Variants in PSD3 observed in about 807,000 individuals in gnomAD.
PSD3 encodes PH and SEC7 domain-containing protein 3.
PSD3 carries 49 observed loss-of-function variants against 105.5 expected under a neutral mutation model. The observed-to-expected ratio is 0.46, with a 90% CI of 0.37 to 0.59. The LOEUF is 0.59. PSD3 is among the 20% of genes least tolerant of loss of function. The pLI, the probability that PSD3 is intolerant of heterozygous loss-of-function variation, is 0.00. For missense variants in PSD3, 1,561 were observed against 1,263.8 expected (o/e 1.24, Z -3.57); for synonymous variants, 557 against 457.8 (o/e 1.22, Z -2.77).
chr8:18,756,194 C>G (rs570057329), intron 9 of PSD3, among the ~76,000 whole-genome samples: 1 of 152,134 alleles, frequency 6.6e-6, no homozygotes, highest in African/African-American at 2.4e-5. Context: ...CTCACCTACT[C>G]TAGGCAACAG....
intron 1 of PSD3, among the ~76,000 whole-genome samples, chr8:19,029,537 G>A (rs1458563209): frequency 6.6e-6 from 1 of 152,122 alleles, no homozygotes; most frequent in African/African-American, 2.4e-5. Context: ...TATGATGACA[G>A]CAAGGAGAAG....
rs1268844960 is a variant in PSD3, at chr8:18,794,299, C to G, written c.2082+4996G>C. 3.4e-3 allele frequency among the ~76,000 whole-genome samples: 17 copies of G among 4,956 alleles called. 1 individual carries two copies. Among genetic ancestry groups the G allele is most frequent in the African/African-American group, 7.9e-3 (13 of 1,652 alleles). 3.3% of individuals were successfully genotyped at this position (4,956 alleles called of 152,430 possible). A position where few individuals can be genotyped will look rare whatever the true frequency, so the allele number is the denominator to read the frequency against. On this transcript the variant is annotated intron_variant, in intron 8 of 15. Transcript: ENST00000327040. The stretch of plus-strand genomic sequence containing the variant: ...CCAGGTATTGTCCAAGGTTTCTCCC[C>G]ATGTGATAGTCTGAAATATGGCCTC...
At chr8:18,569,316 C>T (rs1295990294) in intron 14 of PSD3, among the ~76,000 whole-genome samples, 1 of 134,336 alleles carries the variant, frequency 7.4e-6, no homozygotes, top group African/African-American at 2.8e-5. Context: ...AGTTTACAGT[C>T]CCACCAACAG....
At chr8:18,604,285 T>C (rs1750498986) in intron 11 of PSD3, among the ~76,000 whole-genome samples, 1 of 152,188 alleles carries the variant, frequency 6.6e-6, no homozygotes, top group South Asian at 2.1e-4. Context: ...TCACTTTTGT[T>C]ATGCCTTACC....
chr8:19,051,337 C>A (rs548967880), intron 1 of PSD3, among the ~76,000 whole-genome samples: 1 of 152,306 alleles, frequency 6.6e-6, no homozygotes. Context: ...ACTACACTCT[C>A]TGTTACATAC....
At chr8:18,662,095 T>C (rs1331865617) in intron 9 of PSD3, among the ~76,000 whole-genome samples, 1 of 152,248 alleles carries the variant, frequency 6.6e-6, no homozygotes, top group East Asian at 1.9e-4. Context: ...TGTTGTGATG[T>C]ACTTCCAAAC....
intron 4 of PSD3, among the ~76,000 whole-genome samples, chr8:18,820,301 AAATT>A (rs1308905063): frequency 6.6e-6 from 1 of 151,834 alleles, no homozygotes; most frequent in Admixed American, 6.6e-5. Flanking sequence ...AAAATATAAT[AAATT>A]AAGATACTGA....
At chr8:18,626,485 G>T (rs1445060122) in intron 11 of PSD3, among the ~76,000 whole-genome samples, 1 of 152,044 alleles carries the variant, frequency 6.6e-6, no homozygotes, top group Non-Finnish European at 1.5e-5. Flanking sequence ...TAGAAAATAA[G>T]TATCTACTTT....
rs796640537 is a variant in PSD3, at chr8:18,619,325, G to C, written c.2410+13288C>G. On this transcript the variant is annotated intron_variant, in intron 11 of 15. Coordinates refer to ENST00000327040, the MANE Select transcript of PSD3 (RefSeq NM_015310.4). ...AGACTGATCAAAACAGACTCTGTGT[G>C]GCAATAAGATACCAGATTATAAACA... Among the ~76,000 whole-genome samples the C allele has an allele frequency of 3.3e-5, 5 of 152,216 alleles. 1 individual carries two copies. Among genetic ancestry groups the C allele is most frequent in the African/African-American group, 1.2e-4 (5 of 41,540 alleles).
chr8:19,035,514 T>TAA (rs11428290), intron 1 of PSD3, among the ~76,000 whole-genome samples: 36 of 151,068 alleles, frequency 2.4e-4, no homozygotes, highest in South Asian at 6.3e-4. Flanking sequence ...AAGGATTTGT[T>TAA]AAAAAAAAAC....
intron 1 of PSD3, among the ~76,000 whole-genome samples, chr8:19,062,933 G>A (rs1004030283): frequency 1.3e-5 from 2 of 152,082 alleles, no homozygotes; most frequent in Non-Finnish European, 2.9e-5. Flanking sequence ...TTAAAAACTA[G>A]TCAAGAAAAA....
Position 18,707,622 on chromosome 8 carries a change from C to T in PSD3, c.2173-51937G>A, listed in dbSNP as rs9987310. Among the ~76,000 whole-genome samples the T allele has an allele frequency of 9.4e-3, 1,427 of 152,286 alleles. 28 individuals are homozygous for T. The highest frequency in any genetic ancestry group is 0.033 in the African/African-American group (1,372 of 41,562). ...ATGTTCCAGATGAGACAGCAAAGCT[C>T]ATATGACTGATAACACTCTTGAGGT... is the stretch of plus-strand genomic sequence containing the variant. On this transcript the variant is annotated intron_variant, in intron 9 of 15. Transcript: ENST00000327040.
intron 9 of PSD3, among the ~76,000 whole-genome samples, chr8:18,704,086 A>G (rs1389007445): frequency 2.0e-5 from 3 of 152,260 alleles, no homozygotes; most frequent in African/African-American, 7.2e-5. Context: ...CCAAAATGCT[A>G]CTTTCCAACT....
chr8:18,579,483 T>G (rs1802673047), intron 12 of PSD3, among the ~76,000 whole-genome samples: 1 of 152,196 alleles, frequency 6.6e-6, no homozygotes, highest in African/African-American at 2.4e-5. Flanking sequence ...TACTCTCTCG[T>G]GTTCCCTGCA....
intron 1 of PSD3, among the ~76,000 whole-genome samples, chr8:18,983,058 G>C (rs1433395006): frequency 6.6e-6 from 1 of 152,186 alleles, no homozygotes; most frequent in Non-Finnish European, 1.5e-5. Context: ...GTCATCAATG[G>C]TCTTAGCTAG....
At chr8:18,656,080 C>T (rs983424848) in intron 9 of PSD3, among the ~76,000 whole-genome samples, 10 of 152,038 alleles carry the variant, frequency 6.6e-5, no homozygotes, top group South Asian at 4.1e-4. Flanking sequence ...TTTTTTCAGA[C>T]GGAGTCTCAC....
chr8:18,535,463 C>A lies in PSD3; in HGVS notation c.*280G>T. Reference sequence around the variant, plus strand: ...TGAGCAGACTGCAAACAAGAGAAAACCAAAAGAGAAGGGATACATAATTCA... The same window carrying A: ...TGAGCAGACTGCAAACAAGAGAAAAACAAAAGAGAAGGGATACATAATTCA... On this transcript the variant is annotated 3_prime_UTR_variant, in exon 16 of 16. Transcript: ENST00000327040. 1 of 408,036 alleles carries A rather than the reference C, an allele frequency of 2.5e-6. No individual in the cohort carries two copies. Among genetic ancestry groups the A allele is most frequent in the East Asian group, 4.3e-5 (1 of 23,050 alleles). The allele number at this position is 408,036 out of a possible 1,614,324, so 25.3% of individuals were successfully genotyped here.
chr8:18,985,532 G>C (rs1403654720), intron 1 of PSD3, among the ~76,000 whole-genome samples: 3 of 152,180 alleles, frequency 2.0e-5, no homozygotes, highest in Non-Finnish European at 4.4e-5. Flanking sequence ...TACAAACTAT[G>C]ATTTGGGGTC....
chr8:18,674,068 C>T (rs751927307), intron 9 of PSD3, among the ~76,000 whole-genome samples: 14 of 151,978 alleles, frequency 9.2e-5, no homozygotes, highest in Non-Finnish European at 1.5e-4. Context: ...ATTCCTTGAG[C>T]CCAGGAAGTG....
Sources: gnomAD v4.1 joint callset for allele counts (sites outside exome capture counted in the v4.1 genomes callset) on GRCh38, gnomAD v4.1.1 for gene constraint, MANE v1.5 for transcripts, NCBI Gene and HGNC (gene_info 2026-07-23, HGNC 2026-07-21) for gene names.